SNRPF: variants seen among roughly 807,000 people sequenced by gnomAD.
SNRPF encodes the protein small nuclear ribonucleoprotein F.
SNRPF carries 1 observed loss-of-function variant against 13.4 expected under a neutral mutation model. That is an observed-to-expected ratio of 0.07 (90% CI 0.03 to 0.35). The LOEUF is 0.35. Among genes scored for constraint, SNRPF ranks in the 10% least tolerant of loss-of-function variants. The pLI is 0.99. For synonymous variants in SNRPF, 27 were observed against 32.1 expected, an observed-to-expected ratio of 0.84 and a Z score of 0.54; for missense variants, 53 against 101.0, an observed-to-expected ratio of 0.52 and a Z score of 2.04.
At chr12:95,861,059 T>C in intron 1 of SNRPF, 109 bp from the exon 2 acceptor site, 1 of 943,866 alleles carries the variant, frequency 1.1e-6, no homozygotes, top group African/African-American at 1.7e-5. Context: ...TAATAAGGAG[T>C]CAAAAGTTTT....
At position 95,865,997 on chromosome 12, in the gene SNRPF, A is replaced by G. The variant is rs573255771; in HGVS notation, c.195-8A>G. The G allele has an allele frequency of 2.8e-6, 4 of 1,419,850 alleles. No individual in the cohort carries two copies. The highest frequency in any genetic ancestry group is 1.2e-5 in the South Asian group (1 of 80,552). 88.0% of individuals were successfully genotyped at this position (1,419,850 alleles called of 1,614,324 possible). A position where few individuals can be genotyped will look rare whatever the true frequency, so the allele number is the denominator to read the frequency against. On this transcript the variant is annotated splice_region_variant and splice_polypyrimidine_tract_variant and intron_variant, in intron 3 of 3. Transcript: ENST00000266735. ...TGGAACAACAAAATCGACTTTTTCT[A>G]TTTACAGGTGTAATAATGTCCTTTA... is the stretch of plus-strand genomic sequence containing the variant.
chr12:95,860,592 C>G (rs1054470033), intron 1 of SNRPF, among the ~76,000 whole-genome samples: 1 of 152,106 alleles, frequency 6.6e-6, no homozygotes. Context: ...AGGTCTTGCT[C>G]TGTTGCCCAG....
chr12:95,864,701 T>C (rs1413122026), intron 2 of SNRPF, among the ~76,000 whole-genome samples: 1 of 152,218 alleles, frequency 6.6e-6, no homozygotes, highest in African/African-American at 2.4e-5. Context: ...AGGCAGAAAT[T>C]CAAGACCAGC....
chr12:95,859,087 A>C lies in SNRPF; in HGVS notation c.3+11A>C, dbSNP rs376343215. ...GCCGTGGTTACGATGGTAAGGAGAAAGAGAACGGCGGGAGAAGCGGGGAGA... is the reference window on the plus strand; with the variant it reads ...GCCGTGGTTACGATGGTAAGGAGAACGAGAACGGCGGGAGAAGCGGGGAGA... On this transcript the variant is annotated intron_variant, in intron 1 of 3. Coordinates refer to ENST00000266735, the MANE Select transcript of SNRPF (RefSeq NM_003095.5). The C allele has an allele frequency of 3.1e-6, 5 of 1,611,664 alleles. No individual in the cohort carries two copies. In the Admixed American group the frequency reaches 6.7e-5, roughly 22 times the overall value.
At chr12:95,859,777 C>T (rs1352411933) in intron 1 of SNRPF, among the ~76,000 whole-genome samples, 2 of 152,120 alleles carry the variant, frequency 1.3e-5, no homozygotes, top group Non-Finnish European at 2.9e-5. Context: ...GAGGAGCAGG[C>T]GTTGGGCAGG....
At chr12:95,862,922 A>G (rs79819718) in intron 2 of SNRPF, among the ~76,000 whole-genome samples, 19,933 of 151,740 alleles carry the variant, frequency 0.13, 1,778 homozygotes, top group Non-Finnish European at 0.19. Context: ...GCACCTTTTC[A>G]TGTGTTTATT....
intron 2 of SNRPF, chr12:95,861,555 A>C (rs909557454): frequency 4.8e-5 from 13 of 268,318 alleles, no homozygotes; most frequent in Non-Finnish European, 7.1e-5. Flanking sequence ...ATAATACCAT[A>C]AGGGAAACAC....
intron 3 of SNRPF, 143 bp downstream of exon 3, chr12:95,865,531 C>CT (rs1234952298): frequency 4.7e-6 from 2 of 424,972 alleles, no homozygotes; most frequent in African/African-American, 4.1e-5. Context: ...CTTCAGAAGT[C>CT]TTTGAAATTG....
intron 3 of SNRPF, 73 bp from the exon 4 acceptor site, chr12:95,865,932 A>G: frequency 1.6e-6 from 1 of 630,014 alleles, no homozygotes; most frequent in Non-Finnish European, 2.8e-6. Flanking sequence ...GTATTTTCAT[A>G]ATAAAAATAT....
chr12:95,860,874 G>A (rs1030266751), intron 1 of SNRPF, among the ~76,000 whole-genome samples: 50 of 30,952 alleles, frequency 1.6e-3, no homozygotes, highest in African/African-American at 7.3e-3. Context: ...TTTTTTTTTA[G>A]TGCCTTTATC....
chr12:95,862,132 G>T lies in SNRPF; in HGVS notation c.129+839G>T, dbSNP rs887297080. Reference sequence around the variant, plus strand: ...AAGTGGAATTGTGTATTATCCTTTTGTGTCTGGCTTGTTTGACTTAACGTA... The same window carrying T: ...AAGTGGAATTGTGTATTATCCTTTTTTGTCTGGCTTGTTTGACTTAACGTA... On this transcript the variant is annotated intron_variant, in intron 2 of 3. Coordinates refer to ENST00000266735, the MANE Select transcript of SNRPF (RefSeq NM_003095.5). Among the ~76,000 whole-genome samples the T allele has an allele frequency of 3.9e-5, 6 of 152,230 alleles. No individual in the cohort carries two copies. In the East Asian group the frequency reaches 1.2e-3, roughly 29 times the overall value.
chr12:95,860,737 T>TG (rs912006682), intron 1 of SNRPF, among the ~76,000 whole-genome samples: 9 of 151,952 alleles, frequency 5.9e-5, no homozygotes, highest in South Asian at 4.2e-4. Context: ...TTGGTAGAGA[T>TG]GGGGGTCTCA....
rs2079495122 is a variant in SNRPF at position 95,861,221 on chromosome 12, G to C, written c.57G>C (p.Val19=). ...PFLNGLTGKP[V]MVKLKWGMEY... The stretch of plus-strand genomic sequence containing the variant: ...TCAATGGACTAACAGGAAAGCCAGT[G>C]ATGGTGAAACTTAAGTGGGGAATGG... The change falls in exon 2 of 4, where the codon GTG becomes GTC. Residue 19 remains valine (V), a synonymous_variant. Coordinates refer to ENST00000266735, the MANE Select transcript of SNRPF (RefSeq NM_003095.5). 1 of 1,612,620 alleles carries C rather than the reference G, an allele frequency of 6.2e-7. No homozygotes were observed. Among genetic ancestry groups the C allele is most frequent in the Non-Finnish European group, 8.5e-7 (1 of 1,179,136 alleles).
chr12:95,863,214 T>G (rs1209711383), intron 2 of SNRPF, among the ~76,000 whole-genome samples: 2 of 152,134 alleles, frequency 1.3e-5, no homozygotes, highest in African/African-American at 2.4e-5. Context: ...ATAGTTTGAG[T>G]GTGGAAAATT....
chr12:95,863,172 A>G (rs1261702003), intron 2 of SNRPF, among the ~76,000 whole-genome samples: 3 of 152,112 alleles, frequency 2.0e-5, no homozygotes, highest in Non-Finnish European at 4.4e-5. Flanking sequence ...GGCAATTACC[A>G]CCTGAGCACA....
intron 1 of SNRPF, among the ~76,000 whole-genome samples, chr12:95,859,678 C>T (rs928926718): frequency 6.6e-6 from 1 of 152,020 alleles, no homozygotes; most frequent in Non-Finnish European, 1.5e-5. Context: ...GAGCATAAGA[C>T]CTGCGGCCGG....
intron 2 of SNRPF, among the ~76,000 whole-genome samples, chr12:95,864,557 T>C (rs1257886227): frequency 1.3e-5 from 2 of 152,240 alleles, no homozygotes; most frequent in Admixed American, 1.3e-4. Context: ...CTGTTAACTA[T>C]TTACCTTTCT....
intron 1 of SNRPF, among the ~76,000 whole-genome samples, chr12:95,860,380 C>G (rs1024761714): frequency 6.6e-6 from 1 of 152,196 alleles, no homozygotes; most frequent in Non-Finnish European, 1.5e-5. Context: ...TGGAAATAAA[C>G]TCTTATCCTT....
chr12:95,865,255 C>T (rs78145965), intron 2 of SNRPF, 69 bp from the exon 3 acceptor site: 2 of 722,744 alleles, frequency 2.8e-6, no homozygotes. Flanking sequence ...AGTTCTCTCA[C>T]CAATATTAGC....
Sources: gnomAD v4.1 joint callset for allele counts (sites outside exome capture counted in the v4.1 genomes callset) on GRCh38, gnomAD v4.1.1 for gene constraint, MANE v1.5 for transcripts, NCBI Gene and HGNC (gene_info 2026-07-23, HGNC 2026-07-21) for gene names.